Variants in USP43 observed in about 807,000 individuals in gnomAD.
The protein encoded by USP43 is ubiquitin specific peptidase 43, also known as ubiquitin carboxyl-terminal hydrolase 43.
Under a neutral mutation model 90.7 loss-of-function variants are expected in USP43, and 33 were observed. The ratio of observed to expected loss-of-function variants is 0.36; its 90% CI spans 0.28 to 0.49. The LOEUF (loss-of-function observed/expected upper bound fraction) is 0.49. Ranked by LOEUF, USP43 falls within the 20% of genes least tolerant of loss-of-function variation. The pLI, the probability that USP43 is intolerant of heterozygous loss-of-function variation, is 0.98. For missense variants in USP43, 1,274 were observed against 1,476.4 expected, an observed-to-expected ratio of 0.86 and a Z score of 2.25; for synonymous variants, 598 against 615.8, an observed-to-expected ratio of 0.97 and a Z score of 0.43.
intron 2 of USP43, among the ~76,000 whole-genome samples, chr17:9,662,708 G>C (rs17809681): frequency 0.071 from 10,789 of 152,112 alleles, 376 homozygotes; most frequent in South Asian, 0.13. Flanking sequence ...CGAGCATGTT[G>C]CTACCATCTG....
At chr17:9,663,995 GC>G (rs900470495) in intron 2 of USP43, among the ~76,000 whole-genome samples, 1 of 152,088 alleles carries the variant, frequency 6.6e-6, no homozygotes, top group Non-Finnish European at 1.5e-5. Flanking sequence ...GGACATAGAA[GC>G]CCCCACCCAC....
intron 6 of USP43, among the ~76,000 whole-genome samples, chr17:9,681,406 ATATAT>A (rs1164760076): frequency 1.6e-4 from 19 of 117,644 alleles, no homozygotes; most frequent in East Asian, 1.1e-3. Context: ...TAAATATGTA[ATATAT>A]TATATAGCTA....
At chr17:9,665,283 G>C (rs148513227) in intron 2 of USP43, among the ~76,000 whole-genome samples, 589 of 152,270 alleles carry the variant, frequency 3.9e-3, no homozygotes, top group African/African-American at 0.013. Flanking sequence ...GTCTGTATTA[G>C]TCTGTTTTCA....
chr17:9,669,181 G>A (rs1913236962), intron 3 of USP43, among the ~76,000 whole-genome samples: 1 of 152,094 alleles, frequency 6.6e-6, no homozygotes, highest in African/African-American at 2.4e-5. Context: ...AACGCAGAGG[G>A]TGCTAGAACC....
At chr17:9,724,260 G>A (rs768171038) in intron 14 of USP43, among the ~76,000 whole-genome samples, 9 of 152,140 alleles carry the variant, frequency 5.9e-5, no homozygotes, top group Non-Finnish European at 1.2e-4. Context: ...CAACTCATCG[G>A]TGTAGCTTTT....
At chr17:9,693,104 C>T in intron 8 of USP43, 23 bp from the exon 9 acceptor site, 1 of 1,592,114 alleles carries the variant, frequency 6.3e-7, no homozygotes, top group Non-Finnish European at 8.6e-7. Flanking sequence ...CGTAATGATC[C>T]ATGTCTGTTT....
At chr17:9,682,551 G>C (rs141633757) in intron 6 of USP43, among the ~76,000 whole-genome samples, 2 of 152,172 alleles carry the variant, frequency 1.3e-5, no homozygotes, top group Non-Finnish European at 2.9e-5. Flanking sequence ...TCCAGCCTGG[G>C]GGACAGAGCG....
chr17:9,720,841 G>A (rs949610979), intron 14 of USP43, among the ~76,000 whole-genome samples: 4 of 152,068 alleles, frequency 2.6e-5, no homozygotes, highest in African/African-American at 9.7e-5. Flanking sequence ...TTTATTCCCC[G>A]GGTGGGGCGC....
At chr17:9,700,134 C>A in intron 9 of USP43, 38 bp from the exon 10 acceptor site, 1 of 1,554,210 alleles carries the variant, frequency 6.4e-7, no homozygotes, top group South Asian at 1.2e-5. Context: ...GGAAGGAGGC[C>A]CCGTGTTTTC....
Position 9,709,868 on chromosome 17 carries a change from A to AT in USP43, c.2012-87dup. On this transcript the variant is annotated intron_variant, in intron 12 of 14. Coordinates refer to ENST00000285199, the MANE Select transcript of USP43 (RefSeq NM_153210.5). The surrounding 1 kb of genome is among the most constrained non-coding windows in gnomAD (Gnocchi z 5.0). Reference sequence around the variant, plus strand: ...GTTTTTTTCTCATTCTGGTTTAAACATACCGCTTTTTCAGCTATGCCAGTG... The same window carrying AT: ...GTTTTTTTCTCATTCTGGTTTAAACATTACCGCTTTTTCAGCTATGCCAGTG... 2 of 1,311,418 alleles carry AT rather than the reference A, an allele frequency of 1.5e-6. No individual in the cohort carries two copies. Among genetic ancestry groups the AT allele is most frequent in the East Asian group, 2.8e-5 (1 of 35,462 alleles). 81.2% of individuals were successfully genotyped at this position (1,311,418 alleles called of 1,614,324 possible).
At chr17:9,657,739 G>T (rs935346440) in intron 2 of USP43, among the ~76,000 whole-genome samples, 8 of 152,090 alleles carry the variant, frequency 5.3e-5, no homozygotes, top group African/African-American at 1.9e-4. Flanking sequence ...CATAAGAACA[G>T]CATGGGGGAA....
intron 14 of USP43, among the ~76,000 whole-genome samples, chr17:9,721,471 G>A (rs149823378): frequency 1.3e-5 from 2 of 152,178 alleles, no homozygotes; most frequent in Non-Finnish European, 1.5e-5. Flanking sequence ...GGAGTCAGAC[G>A]TGCTACCATT....
At chr17:9,695,292 T>C (rs542015910) in intron 9 of USP43, among the ~76,000 whole-genome samples, 23 of 152,288 alleles carry the variant, frequency 1.5e-4, no homozygotes, top group Admixed American at 3.9e-4. Context: ...CCTTGTTCTA[T>C]AGGAAATTCT....
rs550821422 is a variant in USP43, at chr17:9,716,564, C to G, written c.2335+4432C>G. Among the ~76,000 whole-genome samples the G allele has an allele frequency of 1.6e-4, 25 of 152,142 alleles. No individual in the cohort carries two copies. The South Asian group carries it at 5.0e-3, about 30-fold the overall frequency. On this transcript the variant is annotated intron_variant, in intron 14 of 14. Transcript: ENST00000285199. ...TGACAATTGTCAATAAAAAAGCAAA[C>G]ACAGGGGTTTGAAGAAGAGGGGGTG...
At position 9,712,122 on chromosome 17, in the gene USP43, T is replaced by C; in HGVS notation, c.2325T>C (p.Asn775=). 6.3e-7 allele frequency: 1 copy of C among 1,590,840 alleles called. No homozygotes were observed. The change falls in exon 14 of 15, where the codon AAT becomes AAC. Residue 775 remains asparagine (N), a synonymous_variant. Transcript: ENST00000285199. ...CCATCTTCACCAACAGCCTCTGCAA[T>C]CAGGAAAAGGGTATGTTGGTTAAAT... ...DSPIFTNSLC[N]QEKGGLEPRR...
intron 14 of USP43, among the ~76,000 whole-genome samples, chr17:9,718,638 T>C (rs112414486): frequency 0.039 from 5,880 of 148,986 alleles, 216 homozygotes; most frequent in East Asian, 0.17. Flanking sequence ...GTCAGGAGTT[T>C]GAGACCAGCC....
chr17:9,645,857 C>T lies in USP43; in HGVS notation c.225C>T (p.Pro75=). The change falls in exon 1 of 15, where the codon CCC becomes CCT. Residue 75 remains proline, a synonymous_variant. Coordinates refer to ENST00000285199, the MANE Select transcript of USP43 (RefSeq NM_153210.5). This position sits in a 1 kb window ranked among gnomAD's most constrained non-coding sequence, Gnocchi z 6.8. ...PGPVPAAPGS[P]GEERPPGPQP... ...CAGTTCCAGCGGCCCCCGGGAGCCC[C>T]GGGGAGGAACGCCCGCCCGGACCCC... 1 of 1,416,618 alleles carries T rather than the reference C, an allele frequency of 7.1e-7. No individual in the cohort carries two copies. The highest frequency in any genetic ancestry group is 9.2e-7 in the Non-Finnish European group (1 of 1,091,272). The allele number at this position is 1,416,618 out of a possible 1,614,324, so 87.8% of individuals were successfully genotyped here.
Position 9,645,786 on chromosome 17 carries a change from C to T in USP43, c.154C>T (p.His52Tyr). Residue 52 changes from histidine to tyrosine, a missense_variant, in exon 1 of 15, where the codon CAC (histidine) becomes TAC (tyrosine). Around this residue, in one of 6 missense-constraint regions of USP43, gnomAD observed 112 missense variants for 106.6 expected, o/e 1.05. Coordinates refer to ENST00000285199, the MANE Select transcript of USP43 (RefSeq NM_153210.5). This position sits in a 1 kb window ranked among gnomAD's most constrained non-coding sequence, Gnocchi z 6.8. ...CTCACCGCCCCGGCCCCAGCCGGGACACTGTGATGGCGACGGTGAGGGGGG... is the reference window on the plus strand; with the variant it reads ...CTCACCGCCCCGGCCCCAGCCGGGATACTGTGATGGCGACGGTGAGGGGGG... ...GDSPPRPQPGHCDGDGEGGFA... is the reference protein window; with the variant it reads ...GDSPPRPQPGYCDGDGEGGFA... 1 of 1,393,616 alleles carries T rather than the reference C, an allele frequency of 7.2e-7. No individual in the cohort carries two copies. The highest frequency in any genetic ancestry group is 9.2e-7 in the Non-Finnish European group (1 of 1,082,284). 86.3% of individuals were successfully genotyped at this position (1,393,616 alleles called of 1,614,324 possible).
intron 9 of USP43, among the ~76,000 whole-genome samples, chr17:9,693,927 G>A (rs1915108611): frequency 6.6e-6 from 1 of 152,228 alleles, no homozygotes; most frequent in Non-Finnish European, 1.5e-5. Flanking sequence ...CCTAGGGTAT[G>A]TGAAGATTCT....
Sources: gnomAD v4.1 joint callset for allele counts (sites outside exome capture counted in the v4.1 genomes callset) on GRCh38, gnomAD v4.1.1 for gene constraint, gnomAD v4.1.1 regional missense constraint, Gnocchi (gnomAD v3.1) non-coding constraint, MANE v1.5 for transcripts, NCBI Gene and HGNC (gene_info 2026-07-23, HGNC 2026-07-21) for gene names.